The following ACER3 variants were observed in gnomAD, a reference collection of about 807,000 sequenced individuals.
ACER3 encodes alkCDase 3.
Under a neutral mutation model 48.9 loss-of-function variants are expected in ACER3, and 16 were observed. That is an observed-to-expected ratio of 0.33 (90% CI 0.22 to 0.50). ACER3 has a LOEUF of 0.50. ACER3 is among the 20% of genes least tolerant of loss of function. The pLI is 0.98. For missense variants in ACER3, 227 were observed against 326.0 expected, an observed-to-expected ratio of 0.70 and a Z score of 2.34; for synonymous variants, 109 against 107.8, an observed-to-expected ratio of 1.01 and a Z score of -0.07.
intron 1 of ACER3, among the ~76,000 whole-genome samples, chr11:76,919,995 A>G (rs901594538): frequency 4.6e-5 from 7 of 152,158 alleles, no homozygotes; most frequent in African/African-American, 2.4e-5. Flanking sequence ...AGCCCTTTGA[A>G]TATTTTCCTT....
At position 76,875,107 on chromosome 11, in the gene ACER3, C is replaced by CTTTTTTTTTTTTTTTTTTTT. The variant is rs10676364; in HGVS notation, c.103+14035_103+14054dup. On this transcript the variant is annotated intron_variant, in intron 1 of 10. Transcript: ENST00000532485. ...TTCTAACATGGCATGAAAAGCACTT[C>CTTTTTTTTTTTTTTTTTTTT]TTTTTTTTTTTTTTTTTTTTTTTTT... Among the ~76,000 whole-genome samples, 18 of 78,096 alleles carry CTTTTTTTTTTTTTTTTTTTT rather than the reference C, an allele frequency of 2.3e-4. 3 individuals are homozygous for CTTTTTTTTTTTTTTTTTTTT. Among genetic ancestry groups the CTTTTTTTTTTTTTTTTTTTT allele is most frequent in the African/African-American group, 6.1e-4 (17 of 27,812 alleles). 51.2% of individuals were successfully genotyped at this position (78,096 alleles called of 152,430 possible). A position where few individuals can be genotyped will look rare whatever the true frequency, so the allele number is the denominator to read the frequency against.
intron 2 of ACER3, among the ~76,000 whole-genome samples, chr11:76,944,142 A>G (rs1370305502): frequency 6.6e-6 from 1 of 152,008 alleles, no homozygotes; most frequent in East Asian, 1.9e-4. Flanking sequence ...GGATCATTTA[A>G]TCCATTTACA....
At chr11:76,908,903 G>A (rs1033447928) in intron 1 of ACER3, among the ~76,000 whole-genome samples, 1 of 152,046 alleles carries the variant, frequency 6.6e-6, no homozygotes, top group Non-Finnish European at 1.5e-5. Flanking sequence ...AAACAGCATG[G>A]TACTGGTACC....
At chr11:76,908,192 T>G (rs1485768971) in intron 1 of ACER3, among the ~76,000 whole-genome samples, 3 of 152,184 alleles carry the variant, frequency 2.0e-5, no homozygotes, top group Non-Finnish European at 1.5e-5. Flanking sequence ...GCTGAGATCG[T>G]GCCACTGCAC....
chr11:76,906,065 T>A (rs574755635), intron 1 of ACER3, among the ~76,000 whole-genome samples: 1 of 152,306 alleles, frequency 6.6e-6, no homozygotes, highest in South Asian at 2.1e-4. Context: ...ACAGGCTGGC[T>A]GCCTTCGCTC....
chr11:76,959,228 A>G, intron 3 of ACER3, 197 bp downstream of exon 3: 1 of 1,455,674 alleles, frequency 6.9e-7, no homozygotes, highest in Non-Finnish European at 9.0e-7. Flanking sequence ...ACAAGTACAA[A>G]TAGTATAGGG....
At chr11:76,940,161 T>A (rs569325833) in intron 2 of ACER3, among the ~76,000 whole-genome samples, 26 of 152,116 alleles carry the variant, frequency 1.7e-4, no homozygotes, top group African/African-American at 5.8e-4. Flanking sequence ...TTTTTTTTTT[T>A]AAATAGAGAT....
At chr11:76,868,389 CTCTGTGTG>C (rs1459183630) in intron 1 of ACER3, 264 of 187,094 alleles carry the variant, frequency 1.4e-3, no homozygotes, top group South Asian at 3.1e-3. Flanking sequence ...CTCTCTCTCT[CTCTGTGTG>C]TGTGTGTGTG....
At chr11:76,918,053 C>CT (rs1946583944) in intron 1 of ACER3, among the ~76,000 whole-genome samples, 1 of 152,086 alleles carries the variant, frequency 6.6e-6, no homozygotes, top group Admixed American at 6.6e-5. Context: ...TCCTATCACT[C>CT]TCTTTTGCTA....
chr11:77,014,572 C>T (rs1289521144), intron 7 of ACER3, among the ~76,000 whole-genome samples: 3 of 152,170 alleles, frequency 2.0e-5, no homozygotes, highest in African/African-American at 4.8e-5. Flanking sequence ...ATAGCTAATC[C>T]ACTATCACCC....
intron 4 of ACER3, among the ~76,000 whole-genome samples, chr11:76,979,446 A>G (rs1304436806): frequency 2.0e-5 from 3 of 152,162 alleles, no homozygotes; most frequent in East Asian, 1.9e-4. Context: ...GTAAGAAGAT[A>G]TAGAACAGCA....
chr11:76,956,691 T>G (rs1947850644), intron 2 of ACER3, among the ~76,000 whole-genome samples: 2 of 151,768 alleles, frequency 1.3e-5, no homozygotes, highest in African/African-American at 4.8e-5. Flanking sequence ...TCACTTTTTT[T>G]TTTTTTTTAC....
intron 1 of ACER3, among the ~76,000 whole-genome samples, chr11:76,875,732 GTTTTTTT>G (rs71040037): frequency 4.5e-5 from 3 of 67,078 alleles, no homozygotes; most frequent in African/African-American, 1.7e-4. Context: ...AGTTTTTGTT[GTTTTTTT>G]TTTTTTTTTT....
At chr11:76,912,016 T>G (rs1295872321) in intron 1 of ACER3, among the ~76,000 whole-genome samples, 3 of 152,164 alleles carry the variant, frequency 2.0e-5, no homozygotes, top group Non-Finnish European at 2.9e-5. Flanking sequence ...AAATAAATAT[T>G]TTTAAGAATG....
intron 3 of ACER3, among the ~76,000 whole-genome samples, chr11:76,972,926 G>A (rs1948344289): frequency 2.0e-5 from 3 of 152,250 alleles, no homozygotes; most frequent in Admixed American, 2.0e-4. Flanking sequence ...CACCCACAGT[G>A]GTGTGTGTGG....
At chr11:77,013,528 C>T (rs1405771832) in intron 7 of ACER3, among the ~76,000 whole-genome samples, 17 of 152,006 alleles carry the variant, frequency 1.1e-4, no homozygotes, top group Non-Finnish European at 2.1e-4. Flanking sequence ...CAATGAGATA[C>T]CACTACATAC....
At chr11:76,881,028 G>A (rs1945511451) in intron 1 of ACER3, among the ~76,000 whole-genome samples, 1 of 152,016 alleles carries the variant, frequency 6.6e-6, no homozygotes, top group Non-Finnish European at 1.5e-5. Flanking sequence ...GAGTGAGGTA[G>A]GCGGATTGTT....
chr11:76,980,167 CA>C (rs111230825), intron 4 of ACER3, among the ~76,000 whole-genome samples: 1 of 149,756 alleles, frequency 6.7e-6, no homozygotes, highest in Non-Finnish European at 1.5e-5. Flanking sequence ...ACCAAACTAA[CA>C]AAAAAAAACA....
intron 1 of ACER3, chr11:76,868,399 G>C (rs915022701): frequency 2.2e-5 from 9 of 403,206 alleles, no homozygotes; most frequent in African/African-American, 1.8e-4. Context: ...CTCTGTGTGT[G>C]TGTGTGTGTG....
Sources: gnomAD v4.1 joint callset for allele counts (sites outside exome capture counted in the v4.1 genomes callset) on GRCh38, gnomAD v4.1.1 for gene constraint, MANE v1.5 for transcripts, NCBI Gene and HGNC (gene_info 2026-07-23, HGNC 2026-07-21) for gene names.